Variants in ASIC2 observed in about 807,000 individuals in gnomAD.
The protein encoded by ASIC2 is acid sensing ion channel subunit 2.
In ASIC2, 25 loss-of-function variants were observed where a neutral mutation model predicts 57.3. That is an observed-to-expected ratio of 0.44 (90% CI 0.32 to 0.61). The LOEUF (loss-of-function observed/expected upper bound fraction) is 0.61. Ranked by LOEUF, ASIC2 falls within the 20% of genes least tolerant of loss-of-function variation. The probability of loss-of-function intolerance (pLI) is 0.06; values close to 1 mark genes in which losing one functional copy is unlikely to be tolerated. For missense variants in ASIC2, 641 were observed against 738.1 expected (o/e 0.87, Z 1.52); for synonymous variants, 319 against 307.5 (o/e 1.04, Z -0.39).
At chr17:33,781,137 C>T (rs1374494910) in intron 1 of ASIC2, among the ~76,000 whole-genome samples, 2 of 152,138 alleles carry the variant, frequency 1.3e-5, no homozygotes, top group African/African-American at 4.8e-5. Flanking sequence ...TATCCTAAAC[C>T]TTTCTCCCAG....
intron 1 of ASIC2, among the ~76,000 whole-genome samples, chr17:33,714,138 C>T (rs1250804092): frequency 6.6e-6 from 1 of 152,094 alleles, no homozygotes; most frequent in Non-Finnish European, 1.5e-5. Context: ...TCACCCCACT[C>T]CCCATGAGGT....
At chr17:33,852,561 C>T (rs1913800496) in intron 1 of ASIC2, among the ~76,000 whole-genome samples, 1 of 152,170 alleles carries the variant, frequency 6.6e-6, no homozygotes, top group African/African-American at 2.4e-5. Flanking sequence ...TAATTTTGAA[C>T]TTACAGCCTA....
intron 1 of ASIC2, among the ~76,000 whole-genome samples, chr17:33,613,618 C>T (rs1312428248): frequency 2.6e-5 from 4 of 152,160 alleles, no homozygotes; most frequent in Admixed American, 2.0e-4. Context: ...CAGCCCACCT[C>T]AGCCTCTCAA....
At chr17:33,573,300 T>A (rs1246637199) in intron 1 of ASIC2, among the ~76,000 whole-genome samples, 1 of 152,182 alleles carries the variant, frequency 6.6e-6, no homozygotes, top group Non-Finnish European at 1.5e-5. Context: ...ACTTTATTTA[T>A]AAGTATATAA....
intron 1 of ASIC2, among the ~76,000 whole-genome samples, chr17:33,825,658 T>A (rs1010977647): frequency 6.6e-6 from 1 of 150,870 alleles, no homozygotes; most frequent in Non-Finnish European, 1.5e-5. Flanking sequence ...TTTTATAATC[T>A]CATAATGGGT....
At chr17:33,256,106 T>C (rs1458027994) in intron 1 of ASIC2, among the ~76,000 whole-genome samples, 3 of 152,218 alleles carry the variant, frequency 2.0e-5, no homozygotes, top group African/African-American at 4.8e-5. Flanking sequence ...TTGCTATTTC[T>C]TAAGCTACAG....
intron 1 of ASIC2, among the ~76,000 whole-genome samples, chr17:34,056,797 G>C (rs4795850): frequency 0.13 from 19,530 of 152,106 alleles, 1,399 homozygotes; most frequent in East Asian, 0.31. Flanking sequence ...CTTTTCACCT[G>C]ATCTCCAAAT....
chr17:33,602,509 G>C (rs1460165058), intron 1 of ASIC2, among the ~76,000 whole-genome samples: 1 of 152,128 alleles, frequency 6.6e-6, no homozygotes, highest in Non-Finnish European at 1.5e-5. Flanking sequence ...CTCAATCTTG[G>C]ACTTTCCAGC....
At chr17:33,698,015 A>G (rs1177253077) in intron 1 of ASIC2, among the ~76,000 whole-genome samples, 1 of 152,224 alleles carries the variant, frequency 6.6e-6, no homozygotes, top group African/African-American at 2.4e-5. Context: ...GTAGTGTTCA[A>G]TGCTTATTTA....
At chr17:33,308,613 C>G (rs367550846) in intron 1 of ASIC2, among the ~76,000 whole-genome samples, 1 of 151,424 alleles carries the variant, frequency 6.6e-6, no homozygotes, top group African/African-American at 2.4e-5. Flanking sequence ...ACTGAACAAA[C>G]GAATGAATGA....
chr17:33,035,098 ATCT>A (rs1361214770), intron 3 of ASIC2, among the ~76,000 whole-genome samples: 2 of 152,120 alleles, frequency 1.3e-5, no homozygotes, highest in African/African-American at 4.8e-5. Flanking sequence ...TTTGTAACCA[ATCT>A]TCTATTGATT....
chr17:33,112,203 C>T, intron 1 of ASIC2, 136 bp from the exon 2 acceptor site: 1 of 1,181,712 alleles, frequency 8.5e-7, no homozygotes, highest in East Asian at 2.7e-5. Context: ...TCTCAGGAAC[C>T]AGTGGTTTTT....
intron 1 of ASIC2, among the ~76,000 whole-genome samples, chr17:33,896,977 G>T (rs1683532241): frequency 6.6e-6 from 1 of 152,220 alleles, no homozygotes; most frequent in Non-Finnish European, 1.5e-5. Context: ...TAAAGGAGAA[G>T]CTAGTTGGTC....
At chr17:33,610,404 G>A (rs559482378) in intron 1 of ASIC2, among the ~76,000 whole-genome samples, 3 of 152,178 alleles carry the variant, frequency 2.0e-5, no homozygotes, top group African/African-American at 4.8e-5. Context: ...TGGTCTGCCC[G>A]CCTCGGCCTC....
At chr17:33,749,565 G>A (rs1192134002) in intron 1 of ASIC2, among the ~76,000 whole-genome samples, 1 of 152,012 alleles carries the variant, frequency 6.6e-6, no homozygotes, top group Admixed American at 6.6e-5. Flanking sequence ...CAGATCCTGA[G>A]CTGGCTGTCC....
intron 1 of ASIC2, among the ~76,000 whole-genome samples, chr17:33,821,403 A>G (rs1171806670): frequency 6.6e-6 from 1 of 152,130 alleles, no homozygotes; most frequent in South Asian, 2.1e-4. Context: ...TGTTGAGTCT[A>G]TGCACACCTC....
At chr17:33,031,749 TCAATTTTTG>T (rs2091884558) in intron 3 of ASIC2, among the ~76,000 whole-genome samples, 1 of 152,192 alleles carries the variant, frequency 6.6e-6, no homozygotes, top group Non-Finnish European at 1.5e-5. Context: ...TTTAGTTTTC[TCAATTTTTG>T]CTTTGGGTAT....
At chr17:33,790,899 A>C (rs1010892806) in intron 1 of ASIC2, among the ~76,000 whole-genome samples, 1 of 152,222 alleles carries the variant, frequency 6.6e-6, no homozygotes, top group African/African-American at 2.4e-5. Context: ...TACTCTGCTC[A>C]ACTCCATTAG....
At chr17:33,460,771 A>G (rs8182330) in intron 1 of ASIC2, among the ~76,000 whole-genome samples, 135,682 of 152,190 alleles carry the variant, frequency 0.89, 60,892 homozygotes, top group African/African-American at 0.98. Flanking sequence ...TACAGGTGAG[A>G]AAACTGAGCC....
Sources: gnomAD v4.1 joint callset for allele counts (sites outside exome capture counted in the v4.1 genomes callset) on GRCh38, gnomAD v4.1.1 for gene constraint, MANE v1.5 for transcripts, NCBI Gene and HGNC (gene_info 2026-07-23, HGNC 2026-07-21) for gene names.